The following SGCZ variants were observed in gnomAD, a reference collection of about 807,000 sequenced individuals.
SGCZ encodes the protein sarcoglycan zeta, also known as zeta-sarcoglycan.
SGCZ carries 40 observed loss-of-function variants against 41.3 expected under a neutral mutation model. The ratio of observed to expected loss-of-function variants is 0.97; its 90% CI spans 0.75 to 1.26. SGCZ has a LOEUF of 1.26. Among genes scored for constraint, SGCZ ranks in the 50% most tolerant of loss-of-function variants. The pLI is 0.00. For synonymous variants in SGCZ, 206 were observed against 137.5 expected (o/e 1.50, Z -3.49); for missense variants, 552 against 369.8 (o/e 1.49, Z -4.04).
At chr8:14,621,466 T>G (rs1806282982) in intron 1 of SGCZ, among the ~76,000 whole-genome samples, 2 of 151,302 alleles carry the variant, frequency 1.3e-5, no homozygotes, top group African/African-American at 4.9e-5. Context: ...AAAGATTCCT[T>G]GGGAAGCACA....
chr8:15,013,443 T>G (rs1483906879), intron 1 of SGCZ, among the ~76,000 whole-genome samples: 1 of 152,226 alleles, frequency 6.6e-6, no homozygotes, highest in Non-Finnish European at 1.5e-5. Flanking sequence ...AAGGAATATA[T>G]GGCCACAAAT....
chr8:14,855,959 G>A lies in SGCZ; in HGVS notation c.40-301033C>T, dbSNP rs189422570. Among the ~76,000 whole-genome samples, 18 of 152,272 alleles carry A rather than the reference G, an allele frequency of 1.2e-4. No individual in the cohort carries two copies. The East Asian group carries it at 3.5e-3, about 29-fold the overall frequency. On this transcript the variant is annotated intron_variant, in intron 1 of 7. Coordinates refer to ENST00000382080, the MANE Select transcript of SGCZ (RefSeq NM_139167.4). ...TCCGAATTTTGCAAGACATTTTCCA[G>A]TGATAACAAACAATGCTACAATATA...
At chr8:14,146,359 A>C (rs1803520299) in intron 5 of SGCZ, among the ~76,000 whole-genome samples, 1 of 152,190 alleles carries the variant, frequency 6.6e-6, no homozygotes, top group African/African-American at 2.4e-5. Context: ...TTGAATATGA[A>C]GAAGAAATAA....
intron 1 of SGCZ, among the ~76,000 whole-genome samples, chr8:14,666,371 T>C (rs1807910883): frequency 6.6e-6 from 1 of 152,212 alleles, no homozygotes; most frequent in African/African-American, 2.4e-5. Flanking sequence ...TTTAAAAATC[T>C]GTCCTGCAAG....
At chr8:14,611,501 A>C (rs1805928856) in intron 1 of SGCZ, among the ~76,000 whole-genome samples, 1 of 152,192 alleles carries the variant, frequency 6.6e-6, no homozygotes, top group African/African-American at 2.4e-5. Context: ...ACAAATCAAT[A>C]ATCAGTAATA....
At chr8:14,303,182 T>C (rs965428374) in intron 3 of SGCZ, among the ~76,000 whole-genome samples, 8 of 152,196 alleles carry the variant, frequency 5.3e-5, no homozygotes, top group African/African-American at 1.7e-4. Flanking sequence ...AGAAGCAGTT[T>C]CTACAGGGAA....
chr8:14,524,289 G>C (rs79695522), intron 2 of SGCZ, among the ~76,000 whole-genome samples: 1 of 151,984 alleles, frequency 6.6e-6, no homozygotes, highest in Admixed American at 6.6e-5. Context: ...TTCCTGGCAG[G>C]AGTGGAAGTC....
intron 1 of SGCZ, among the ~76,000 whole-genome samples, chr8:14,829,902 C>T (rs1370073062): frequency 6.6e-6 from 1 of 152,154 alleles, no homozygotes; most frequent in East Asian, 1.9e-4. Flanking sequence ...AGCTCCGCCT[C>T]CCGGGTTCAC....
At chr8:14,184,995 GT>G (rs1162306205) in intron 4 of SGCZ, among the ~76,000 whole-genome samples, 6 of 152,136 alleles carry the variant, frequency 3.9e-5, no homozygotes, top group African/African-American at 1.2e-4. Flanking sequence ...TAGTAATTTT[GT>G]TTTTTAATTA....
At chr8:14,962,022 T>A (rs1351748283) in intron 1 of SGCZ, among the ~76,000 whole-genome samples, 2 of 152,112 alleles carry the variant, frequency 1.3e-5, no homozygotes, top group Non-Finnish European at 2.9e-5. Context: ...TTCCAATTAA[T>A]CTGAAAAACT....
chr8:14,530,481 T>G (rs1053644926), intron 2 of SGCZ, among the ~76,000 whole-genome samples: 1 of 152,096 alleles, frequency 6.6e-6, no homozygotes, highest in East Asian at 1.9e-4. Flanking sequence ...TGCCTTCATA[T>G]TCACATTTTA....
rs1388038271 is a variant in SGCZ at position 14,474,796 on chromosome 8, A to C, written c.234+79936T>G. Among the ~76,000 whole-genome samples the C allele has an allele frequency of 2.6e-5, 4 of 152,186 alleles. No individual in the cohort carries two copies. In the East Asian group the frequency reaches 5.8e-4, roughly 22 times the overall value. ...TGACAAAACCTTTTATTATATCCAAATGATTTTAGCCACCAAAGAGATATT... is the reference window on the plus strand; with the variant it reads ...TGACAAAACCTTTTATTATATCCAACTGATTTTAGCCACCAAAGAGATATT... On this transcript the variant is annotated intron_variant, in intron 2 of 7. Transcript: ENST00000382080.
intron 2 of SGCZ, among the ~76,000 whole-genome samples, chr8:14,349,486 TTTTC>T (rs3068586): frequency 0.35 from 52,646 of 151,678 alleles, 10,046 homozygotes; most frequent in African/African-American, 0.52. Flanking sequence ...TGCCATGGAA[TTTTC>T]GTAAGCAATA....
chr8:14,447,280 G>C (rs1376706160), intron 2 of SGCZ, among the ~76,000 whole-genome samples: 1 of 152,124 alleles, frequency 6.6e-6, no homozygotes, highest in Admixed American at 6.5e-5. Context: ...TCTTGCTAAA[G>C]TTGCTGGGAT....
At chr8:14,939,507 G>A (rs1048679842) in intron 1 of SGCZ, among the ~76,000 whole-genome samples, 6 of 151,986 alleles carry the variant, frequency 3.9e-5, no homozygotes, top group African/African-American at 4.8e-5. Context: ...ACTTTTTATC[G>A]TATGAGGATG....
At chr8:14,843,532 T>A (rs543861195) in intron 1 of SGCZ, among the ~76,000 whole-genome samples, 1 of 152,276 alleles carries the variant, frequency 6.6e-6, no homozygotes, top group East Asian at 1.9e-4. Context: ...AACACTAAAT[T>A]AAATAGTGTT....
chr8:14,315,094 T>C (rs1451990139), intron 3 of SGCZ, among the ~76,000 whole-genome samples: 2 of 152,090 alleles, frequency 1.3e-5, no homozygotes, highest in African/African-American at 2.4e-5. Flanking sequence ...ATGAGGTGTA[T>C]AGAGGAAGAA....
At chr8:15,112,517 T>A (rs1191794819) in intron 1 of SGCZ, among the ~76,000 whole-genome samples, 1 of 152,224 alleles carries the variant, frequency 6.6e-6, no homozygotes, top group East Asian at 1.9e-4. Context: ...CAACATCTCC[T>A]TATGAATCTG....
intron 2 of SGCZ, among the ~76,000 whole-genome samples, chr8:14,506,642 T>C (rs1411210129): frequency 6.6e-6 from 1 of 152,226 alleles, no homozygotes; most frequent in Non-Finnish European, 1.5e-5. Flanking sequence ...TCCCCTTCTG[T>C]CTGGACTTTA....
Sources: allele counts gnomAD v4.1 joint callset (sites outside exome capture counted in the v4.1 genomes callset), GRCh38; gene constraint gnomAD v4.1.1; transcripts MANE v1.5; gene names NCBI Gene and HGNC (gene_info 2026-07-23, HGNC 2026-07-21).